Variants in KIDINS220 observed in about 807,000 individuals in gnomAD.
KIDINS220 encodes kinase D interacting substrate 220, also known as kinase D-interacting substrate of 220 kDa.
A neutral mutation model predicts 157.6 loss-of-function variants in KIDINS220; 63 were observed. The observed-to-expected ratio is 0.40, with a 90% CI of 0.33 to 0.49. The LOEUF is 0.49. Ranked by LOEUF, KIDINS220 falls within the 20% of genes least tolerant of loss-of-function variation. The pLI is 0.66. For missense variants in KIDINS220, 1,772 were observed against 2,171.2 expected, an observed-to-expected ratio of 0.82 and a Z score of 3.65; for synonymous variants, 732 against 783.6, an observed-to-expected ratio of 0.93 and a Z score of 1.10.
At chr2:8,746,496 A>G (rs1572474569) in intron 26 of KIDINS220, 1 of 149,164 alleles carries the variant, frequency 6.7e-6, no homozygotes, top group Admixed American at 6.7e-5. Context: ...TTTTAAAGAA[A>G]CCTACCTTAA....
chr2:8,789,795 A>C (rs1672938223), intron 14 of KIDINS220, 85 bp downstream of exon 14: 2 of 1,039,604 alleles, frequency 1.9e-6, no homozygotes, highest in African/African-American at 3.3e-5. Flanking sequence ...AGGTTTTAAA[A>C]GACAGATAAA....
chr2:8,790,043 G>A lies in KIDINS220; in HGVS notation c.1458C>T (p.Phe486=), dbSNP rs565969333. The A allele has an allele frequency of 2.3e-5, 36 of 1,591,652 alleles. No individual in the cohort carries two copies. The highest frequency in any genetic ancestry group is 1.3e-4 in the East Asian group (6 of 44,624). The change falls in exon 14 of 30, where the codon TTC becomes TTT. Residue 486 remains phenylalanine, a synonymous_variant. Transcript: ENST00000256707. ...LKKLEDEMKT[F]AGQQIEPLFQ... ...AGAGAGGCTCAATCTGTTGTCCGGC[G>A]AAGGTTTTCATTTCGTCTGAAAGAG...
At chr2:8,825,372 C>A (rs868522624) in intron 2 of KIDINS220, among the ~76,000 whole-genome samples, 1,163 of 108,500 alleles carry the variant, frequency 0.011, no homozygotes, top group South Asian at 0.013. Context: ...GACTCCGTCT[C>A]AAAAAAAAAA....
chr2:8,807,296 T>C (rs748918701), intron 6 of KIDINS220, among the ~76,000 whole-genome samples: 1 of 152,186 alleles, frequency 6.6e-6, no homozygotes, highest in Non-Finnish European at 1.5e-5. Flanking sequence ...ATTGCCTGCC[T>C]CTGGGGAGGC....
Position 8,731,962 on chromosome 2 carries a change from T to A in KIDINS220, c.4074A>T (p.Pro1358=). Residue 1358 remains proline, a synonymous_variant, in exon 30 of 30, where the codon CCA becomes CCT. Transcript: ENST00000256707. This position sits in a 1 kb window ranked among gnomAD's most constrained non-coding sequence, Gnocchi z 5.2. ...LSWQSQTRRT[P]SLSSLNSQDS... ...CCTGGGAATTGAGACTCGAAAGACTTGGGGTTCTGCGAGTTTGTGACTGTG... is the reference window on the plus strand; with the variant it reads ...CCTGGGAATTGAGACTCGAAAGACTAGGGGTTCTGCGAGTTTGTGACTGTG... The A allele has an allele frequency of 6.3e-7, 1 of 1,586,348 alleles. No homozygotes were observed. The highest frequency in any genetic ancestry group is 1.4e-5 in the African/African-American group (1 of 73,754).
chr2:8,769,604 A>G (rs1298359786), intron 22 of KIDINS220, among the ~76,000 whole-genome samples: 1 of 152,230 alleles, frequency 6.6e-6, no homozygotes, highest in African/African-American at 2.4e-5. Context: ...AATTATTACG[A>G]GGCACTTAAA....
intron 20 of KIDINS220, among the ~76,000 whole-genome samples, chr2:8,777,216 T>A (rs1671087395): frequency 6.6e-6 from 1 of 152,218 alleles, no homozygotes; most frequent in African/African-American, 2.4e-5. Context: ...TCAAACTCCA[T>A]GGGGTCTGGC....
At chr2:8,833,094 A>C (rs189645922) in intron 1 of KIDINS220, among the ~76,000 whole-genome samples, 2 of 152,336 alleles carry the variant, frequency 1.3e-5, no homozygotes, top group Admixed American at 1.3e-4. Context: ...TAAAAAATAA[A>C]ATACACAATA....
At chr2:8,798,324 T>G (rs1201538312) in intron 9 of KIDINS220, 24 bp from the exon 10 acceptor site, 7 of 1,256,914 alleles carry the variant, frequency 5.6e-6, no homozygotes, top group Non-Finnish European at 5.8e-6. Context: ...AAAAACACAA[T>G]CACTTCATGT....
At chr2:8,781,880 G>C (rs13404432) in intron 17 of KIDINS220, among the ~76,000 whole-genome samples, 70,046 of 152,044 alleles carry the variant, frequency 0.46, 18,397 homozygotes, top group East Asian at 0.59. Flanking sequence ...CCAGCACTTT[G>C]GGAGGCCAAG....
Position 8,731,518 on chromosome 2 carries a change from A to T in KIDINS220, c.4518T>A (p.Asp1506Glu). Residue 1506 changes from aspartate to glutamate, a missense_variant, in exon 30 of 30, where the codon GAT (aspartate) becomes GAA (glutamate). Transcript: ENST00000256707. The surrounding 1 kb of genome is among the most constrained non-coding windows in gnomAD (Gnocchi z 5.2). The part of the protein sequence containing the change: ...SSERSSLFQT[D>E]LKLKGSGLRY... ...GCAGCCCACTTCCCTTAAGCTTCAA[A>T]TCTGTCTGGAAGAGGCTTGACCTTT... 1 of 1,614,130 alleles carries T rather than the reference A, an allele frequency of 6.2e-7. No homozygotes were observed. Among genetic ancestry groups the T allele is most frequent in the East Asian group, 2.2e-5 (1 of 44,886 alleles).
intron 1 of KIDINS220, among the ~76,000 whole-genome samples, chr2:8,834,070 C>G (rs574501774): frequency 6.6e-6 from 1 of 152,248 alleles, no homozygotes; most frequent in South Asian, 2.1e-4. Flanking sequence ...TCCAGCCCCT[C>G]TTCTCCTCCT....
Position 8,790,985 on chromosome 2 carries a change from C to G in KIDINS220, c.1441+75G>C, listed in dbSNP as rs893004405. The G allele has an allele frequency of 2.1e-6, 3 of 1,401,536 alleles. No individual in the cohort carries two copies. In the African/African-American group the frequency reaches 4.3e-5, roughly 20 times the overall value. 86.8% of individuals were successfully genotyped at this position (1,401,536 alleles called of 1,614,324 possible). A position where few individuals can be genotyped will look rare whatever the true frequency, so the allele number is the denominator to read the frequency against. Reference sequence around the variant, plus strand: ...ACATGCTTATACAGAAAGTGGTCTTCCTCTTTATTTCAGAAAAATCCCCAG... The same window carrying G: ...ACATGCTTATACAGAAAGTGGTCTTGCTCTTTATTTCAGAAAAATCCCCAG... On this transcript the variant is annotated intron_variant, in intron 13 of 29. Transcript: ENST00000256707.
At chr2:8,745,322 T>A (rs183441738) in intron 26 of KIDINS220, among the ~76,000 whole-genome samples, 47 of 152,300 alleles carry the variant, frequency 3.1e-4, no homozygotes, top group African/African-American at 1.1e-3. Flanking sequence ...GACCCATGGA[T>A]TAAAGATCCT....
Position 8,796,804 on chromosome 2 carries a change from T to C in KIDINS220, c.1065A>G (p.Leu355=). 1 of 1,614,202 alleles carries C rather than the reference T, an allele frequency of 6.2e-7. No individual in the cohort carries two copies. Among genetic ancestry groups the C allele is most frequent in the Non-Finnish European group, 8.5e-7 (1 of 1,180,008 alleles). The stretch of plus-strand genomic sequence containing the variant: ...CAGCAGACACTTTAGCACCTTTATC[T>C]AGCAGCAGCTCCACCACTTCAATGT... The part of the protein sequence containing the change: ...MRNIEVVELL[L]DKGAKVSAVD... Residue 355 remains leucine, a synonymous_variant, in exon 11 of 30, where the codon CTA becomes CTG. Coordinates refer to ENST00000256707, the MANE Select transcript of KIDINS220 (RefSeq NM_020738.4).
chr2:8,769,611 TA>T (rs987353153), intron 22 of KIDINS220, among the ~76,000 whole-genome samples: 61 of 152,320 alleles, frequency 4.0e-4, no homozygotes, highest in African/African-American at 1.5e-3. Context: ...ACGAGGCACT[TA>T]AATATTTTTA....
intron 6 of KIDINS220, among the ~76,000 whole-genome samples, chr2:8,807,347 A>G (rs1675600437): frequency 6.6e-6 from 1 of 152,200 alleles, no homozygotes; most frequent in Non-Finnish European, 1.5e-5. Context: ...GTGACCTTTC[A>G]GTACATGGAG....
intron 2 of KIDINS220, among the ~76,000 whole-genome samples, chr2:8,819,305 T>C (rs1035301667): frequency 1.2e-4 from 19 of 152,154 alleles, no homozygotes; most frequent in African/African-American, 4.6e-4. Flanking sequence ...CTTAGTTCAT[T>C]AAACTAAATA....
chr2:8,834,305 C>G (rs191409684), intron 1 of KIDINS220, among the ~76,000 whole-genome samples: 1 of 152,080 alleles, frequency 6.6e-6, no homozygotes, highest in East Asian at 1.9e-4. Flanking sequence ...CTTGCTTGAT[C>G]TATTCCACCC....
Sources: allele counts gnomAD v4.1 joint callset (sites outside exome capture counted in the v4.1 genomes callset), GRCh38; gene constraint gnomAD v4.1.1; non-coding constraint Gnocchi (gnomAD v3.1); transcripts MANE v1.5; gene names NCBI Gene and HGNC (gene_info 2026-07-23, HGNC 2026-07-21).